The following HPSE2 variants were observed in gnomAD, a reference collection of about 807,000 sequenced individuals.
HPSE2 encodes the protein inactive heparanase-2.
Under a neutral mutation model 60.5 loss-of-function variants are expected in HPSE2, and 38 were observed. The ratio of observed to expected loss-of-function variants is 0.63; its 90% confidence interval spans 0.48 to 0.82. The LOEUF (loss-of-function observed/expected upper bound fraction) is 0.82. HPSE2 is among the 40% of genes least tolerant of loss of function. HPSE2 has a pLI of 0.00. For synonymous variants in HPSE2, 295 were observed against 293.2 expected (o/e 1.01, Z -0.06); for missense variants, 713 against 740.4 (o/e 0.96, Z 0.43).
chr10:99,285,544 G>A, the HPSE2 span, among the ~76,000 whole-genome samples: 1 of 147,020 alleles, frequency 6.8e-6, no homozygotes, highest in African/African-American at 2.5e-5. Flanking sequence ...AGGGGAGGAA[G>A]GGAGGAGGGA....
At chr10:99,040,272 G>T (rs934662701) in intron 3 of HPSE2, among the ~76,000 whole-genome samples, 1 of 151,828 alleles carries the variant, frequency 6.6e-6, no homozygotes, top group Non-Finnish European at 1.5e-5. Flanking sequence ...TTACCTAATC[G>T]TTACTCTATT....
intron 3 of HPSE2, among the ~76,000 whole-genome samples, chr10:98,812,982 T>C (rs1951203167): frequency 6.6e-6 from 1 of 152,176 alleles, no homozygotes; most frequent in Non-Finnish European, 1.5e-5. Flanking sequence ...CCAAAGCTCA[T>C]GTAGGCTCTC....
intron 3 of HPSE2, among the ~76,000 whole-genome samples, chr10:99,112,762 C>A (rs1307275411): frequency 6.6e-6 from 1 of 152,118 alleles, no homozygotes; most frequent in African/African-American, 2.4e-5. Flanking sequence ...CATATAATAG[C>A]TGAAGCCATT....
At chr10:99,071,382 T>C (rs1245074518) in intron 3 of HPSE2, among the ~76,000 whole-genome samples, 1 of 152,186 alleles carries the variant, frequency 6.6e-6, no homozygotes, top group Non-Finnish European at 1.5e-5. Flanking sequence ...TTTTTAATTT[T>C]TTGAGGAAAT....
intron 2 of HPSE2, among the ~76,000 whole-genome samples, chr10:99,216,749 T>A (rs561926919): frequency 6.6e-6 from 1 of 152,350 alleles, no homozygotes; most frequent in African/African-American, 2.4e-5. Flanking sequence ...CATATTGCAA[T>A]GCTGGTACAT....
At chr10:98,835,723 G>T (rs1350595640) in intron 3 of HPSE2, among the ~76,000 whole-genome samples, 1 of 152,200 alleles carries the variant, frequency 6.6e-6, no homozygotes, top group East Asian at 1.9e-4. Context: ...GTTACAGCTT[G>T]AAGAGACCAT....
At chr10:98,511,639 G>A (rs2133744982) in intron 9 of HPSE2, among the ~76,000 whole-genome samples, 2 of 150,984 alleles carry the variant, frequency 1.3e-5, no homozygotes, top group South Asian at 4.2e-4. Flanking sequence ...GAAGGTTCAG[G>A]ATGGTTGGAA....
intron 3 of HPSE2, among the ~76,000 whole-genome samples, chr10:98,984,133 T>G (rs185849075): frequency 6.6e-6 from 1 of 152,256 alleles, no homozygotes; most frequent in Non-Finnish European, 1.5e-5. Flanking sequence ...CTGACAGCTT[T>G]GAAGAGAGTA....
chr10:98,818,202 A>C (rs1951336878), intron 3 of HPSE2, among the ~76,000 whole-genome samples: 1 of 152,248 alleles, frequency 6.6e-6, no homozygotes, highest in South Asian at 2.1e-4. Flanking sequence ...GCACAATGTT[A>C]GATGGCAAGG....
chr10:98,909,779 T>C (rs1447489451), intron 3 of HPSE2, among the ~76,000 whole-genome samples: 1 of 152,026 alleles, frequency 6.6e-6, no homozygotes, highest in Non-Finnish European at 1.5e-5. Context: ...TATTATAAGG[T>C]TACTTATAAA....
At chr10:98,756,027 C>G (rs1949871332) in intron 3 of HPSE2, among the ~76,000 whole-genome samples, 1 of 151,954 alleles carries the variant, frequency 6.6e-6, no homozygotes, top group Admixed American at 6.6e-5. Flanking sequence ...AAAGATCTCT[C>G]AAAACCATAT....
the HPSE2 span, among the ~76,000 whole-genome samples, chr10:99,273,854 C>G: frequency 0.49 from 74,864 of 151,994 alleles, 21,680 homozygotes; most frequent in Non-Finnish European, 0.64. Flanking sequence ...TTAACCATGA[C>G]AGAGACAAAA....
intron 3 of HPSE2, among the ~76,000 whole-genome samples, chr10:98,898,298 T>C (rs544547294): frequency 6.6e-6 from 1 of 152,278 alleles, no homozygotes; most frequent in South Asian, 2.1e-4. Context: ...AGCATCTTTA[T>C]TTATAATTGC....
intron 3 of HPSE2, among the ~76,000 whole-genome samples, chr10:99,038,941 T>G (rs1474124046): frequency 6.6e-6 from 1 of 152,142 alleles, no homozygotes; most frequent in Non-Finnish European, 1.5e-5. Flanking sequence ...TCAACTAACC[T>G]AGAAATTGCA....
chr10:99,037,374 T>C (rs1010104351), intron 3 of HPSE2, among the ~76,000 whole-genome samples: 1 of 152,128 alleles, frequency 6.6e-6, no homozygotes, highest in African/African-American at 2.4e-5. Context: ...ACCATAGTTA[T>C]ACAAGATTAT....
At chr10:99,267,533 CA>C in the HPSE2 span, among the ~76,000 whole-genome samples, 1 of 152,000 alleles carries the variant, frequency 6.6e-6, no homozygotes, top group Non-Finnish European at 1.5e-5. Flanking sequence ...CCTGTAATCC[CA>C]ACACTTTTGG....
chr10:99,068,893 AG>A (rs1842698850), intron 3 of HPSE2, among the ~76,000 whole-genome samples: 3 of 152,230 alleles, frequency 2.0e-5, no homozygotes, highest in Non-Finnish European at 4.4e-5. Flanking sequence ...ATTCCTAGAA[AG>A]AAAAATTACC....
chr10:98,562,350 A>G (rs992981006), intron 9 of HPSE2, among the ~76,000 whole-genome samples: 5 of 152,176 alleles, frequency 3.3e-5, no homozygotes, highest in African/African-American at 1.2e-4. Flanking sequence ...ACATGACTCT[A>G]CTCAATCCTG....
intron 4 of HPSE2, among the ~76,000 whole-genome samples, chr10:98,733,801 G>A (rs1343530811): frequency 6.6e-6 from 1 of 152,030 alleles, no homozygotes; most frequent in Non-Finnish European, 1.5e-5. Context: ...CAAGAAATAG[G>A]CATTTTATAC....
Sources: gnomAD v4.1 joint callset for allele counts (sites outside exome capture counted in the v4.1 genomes callset) on GRCh38, gnomAD v4.1.1 for gene constraint, MANE v1.5 for transcripts, NCBI Gene and HGNC (gene_info 2026-07-23, HGNC 2026-07-21) for gene names.